Variants in PTPRT observed in about 807,000 individuals in gnomAD.
The protein encoded by PTPRT is protein tyrosine phosphatase receptor type T.
PTPRT carries 56 observed loss-of-function variants against 176.8 expected under a neutral mutation model. The ratio of observed to expected loss-of-function variants is 0.32; its 90% CI spans 0.26 to 0.40. The LOEUF is 0.40. PTPRT is among the 10% of genes least tolerant of loss of function. The pLI is 1.00. For synonymous variants in PTPRT, 783 were observed against 739.0 expected, an observed-to-expected ratio of 1.06 and a Z score of -0.96; for missense variants, 1,540 against 1,908.2, an observed-to-expected ratio of 0.81 and a Z score of 3.60.
chr20:42,637,066 T>C (rs1426415443), intron 7 of PTPRT, among the ~76,000 whole-genome samples: 2 of 152,122 alleles, frequency 1.3e-5, no homozygotes, highest in South Asian at 2.1e-4. Context: ...CTATCATGCA[T>C]CAGCATCACC....
At chr20:42,789,100 C>T (rs573441495) in intron 3 of PTPRT, among the ~76,000 whole-genome samples, 5 of 152,092 alleles carry the variant, frequency 3.3e-5, no homozygotes, top group South Asian at 2.1e-4. Flanking sequence ...TTTATGAGTC[C>T]AAATACAGAT....
chr20:42,371,937 GTAGGTTGGTCCAGAA>G (rs1456685819), intron 9 of PTPRT, among the ~76,000 whole-genome samples: 24 of 152,310 alleles, frequency 1.6e-4, no homozygotes, highest in African/African-American at 5.5e-4. Context: ...GAGTCTCCAT[GTAGGTTGGTCCAGAA>G]TGTAGTCAGG....
At chr20:42,679,285 T>G (rs1569078113) in intron 6 of PTPRT, among the ~76,000 whole-genome samples, 1 of 150,002 alleles carries the variant, frequency 6.7e-6, no homozygotes, top group Non-Finnish European at 1.5e-5. Context: ...ATTATCACCT[T>G]AACTTTAATG....
intron 16 of PTPRT, among the ~76,000 whole-genome samples, chr20:42,197,134 C>T (rs1850184367): frequency 6.6e-6 from 1 of 152,050 alleles, no homozygotes; most frequent in Non-Finnish European, 1.5e-5. Context: ...AATCCCAGCA[C>T]TTTGGGAGGC....
chr20:42,538,380 G>C (rs1019271742), intron 7 of PTPRT, among the ~76,000 whole-genome samples: 3 of 152,186 alleles, frequency 2.0e-5, no homozygotes, highest in African/African-American at 2.4e-5. Flanking sequence ...TAGGTAAAGA[G>C]AGAGAGAACA....
intron 15 of PTPRT, among the ~76,000 whole-genome samples, chr20:42,210,472 A>G (rs376359123): frequency 6.6e-6 from 1 of 152,174 alleles, no homozygotes; most frequent in Non-Finnish European, 1.5e-5. Context: ...AAATCAATGT[A>G]CAAAAATCAT....
chr20:42,196,549 T>A (rs1016391005), intron 16 of PTPRT, among the ~76,000 whole-genome samples: 2 of 152,178 alleles, frequency 1.3e-5, no homozygotes, highest in African/African-American at 4.8e-5. Flanking sequence ...TACAGTACAA[T>A]AGAACATTAG....
At chr20:42,331,751 T>A (rs1303385855) in intron 11 of PTPRT, among the ~76,000 whole-genome samples, 1 of 152,102 alleles carries the variant, frequency 6.6e-6, no homozygotes, top group Non-Finnish European at 1.5e-5. Flanking sequence ...GACCTCTGAG[T>A]GTGAGGCTTG....
intron 6 of PTPRT, among the ~76,000 whole-genome samples, chr20:42,700,633 G>A (rs1362705031): frequency 3.9e-5 from 6 of 152,084 alleles, no homozygotes; most frequent in African/African-American, 9.7e-5. Context: ...AACAGGAGCA[G>A]CCAAGAAAAG....
intron 9 of PTPRT, among the ~76,000 whole-genome samples, chr20:42,394,996 A>G (rs1415455645): frequency 1.3e-5 from 2 of 152,098 alleles, no homozygotes; most frequent in African/African-American, 4.8e-5. Flanking sequence ...TGAAGCCCAT[A>G]TTTTCTGCCT....
At chr20:42,680,090 G>A (rs569956325) in intron 6 of PTPRT, among the ~76,000 whole-genome samples, 54 of 152,260 alleles carry the variant, frequency 3.5e-4, no homozygotes, top group Admixed American at 2.5e-3. Flanking sequence ...ATGGATAGAA[G>A]GCAGGTATAC....
intron 7 of PTPRT, among the ~76,000 whole-genome samples, chr20:42,668,973 G>T (rs2075368341): frequency 6.8e-6 from 1 of 147,738 alleles, no homozygotes; most frequent in African/African-American, 2.5e-5. Context: ...GCCTCCCAAA[G>T]TGCTGGGATT....
chr20:42,048,227 G>T, the PTPRT span, among the ~76,000 whole-genome samples: 1 of 152,218 alleles, frequency 6.6e-6, no homozygotes, highest in Non-Finnish European at 1.5e-5. Flanking sequence ...GGGAAACTCA[G>T]TTCTTCCTGA....
chr20:42,669,462 T>C (rs769494444), intron 7 of PTPRT, among the ~76,000 whole-genome samples: 5 of 152,180 alleles, frequency 3.3e-5, no homozygotes, highest in Non-Finnish European at 5.9e-5. Flanking sequence ...TTATGGATCA[T>C]CTCACCAGAA....
intron 9 of PTPRT, among the ~76,000 whole-genome samples, chr20:42,391,995 G>C (rs1267305472): frequency 6.6e-6 from 1 of 152,140 alleles, no homozygotes; most frequent in African/African-American, 2.4e-5. Context: ...GCAATGGCCA[G>C]AGAGGGGTGC....
the PTPRT span, among the ~76,000 whole-genome samples, chr20:42,051,810 C>G: frequency 2.2e-3 from 338 of 152,244 alleles, no homozygotes; most frequent in Non-Finnish European, 3.6e-3. Context: ...AGTAGTGCAA[C>G]GTCGCAGACA....
intron 9 of PTPRT, among the ~76,000 whole-genome samples, chr20:42,400,930 GGGAAGGAA>G (rs1046683581): frequency 1.3e-5 from 2 of 151,888 alleles, no homozygotes; most frequent in African/African-American, 2.4e-5. Flanking sequence ...AAGCTATACT[GGGAAGGAA>G]GGAAGGAAGG....
At chr20:43,040,361 T>C (rs1453859324) in intron 1 of PTPRT, among the ~76,000 whole-genome samples, 1 of 152,224 alleles carries the variant, frequency 6.6e-6, no homozygotes, top group African/African-American at 2.4e-5. Flanking sequence ...CTAAAAGATA[T>C]ATAACTCACA....
chr20:42,475,676 G>A (rs1012049566), intron 7 of PTPRT, among the ~76,000 whole-genome samples: 1 of 152,202 alleles, frequency 6.6e-6, no homozygotes, highest in Non-Finnish European at 1.5e-5. Context: ...TAGGACCTGC[G>A]GGAGAGAGTG....
Sources: gnomAD v4.1 joint callset for allele counts (sites outside exome capture counted in the v4.1 genomes callset) on GRCh38, gnomAD v4.1.1 for gene constraint, MANE v1.5 for transcripts, NCBI Gene and HGNC (gene_info 2026-07-23, HGNC 2026-07-21) for gene names.